The following CATSPERB variants were observed in gnomAD, a reference collection of about 807,000 sequenced individuals.
CATSPERB encodes cation channel sperm-associated auxiliary subunit beta.
A neutral mutation model predicts 128.3 loss-of-function variants in CATSPERB; 93 were observed. The ratio of observed to expected loss-of-function variants is 0.72; its 90% CI spans 0.61 to 0.86. CATSPERB has a LOEUF of 0.86. Among genes scored for constraint, CATSPERB ranks in the 40% least tolerant of loss-of-function variants. The pLI, the probability that CATSPERB is intolerant of heterozygous loss-of-function variation, is 0.00. For missense variants in CATSPERB, 1,153 were observed against 1,329.5 expected, an observed-to-expected ratio of 0.87 and a Z score of 2.06; for synonymous variants, 381 against 448.8, an observed-to-expected ratio of 0.85 and a Z score of 1.91.
At chr14:91,650,375 C>T (rs1894683220) in intron 15 of CATSPERB, among the ~76,000 whole-genome samples, 1 of 152,134 alleles carries the variant, frequency 6.6e-6, no homozygotes, top group Non-Finnish European at 1.5e-5. Context: ...CGGAAGGAAT[C>T]ACCATAATTT....
At chr14:91,674,759 T>A (rs1347923474) in intron 11 of CATSPERB, among the ~76,000 whole-genome samples, 1 of 152,184 alleles carries the variant, frequency 6.6e-6, no homozygotes, top group African/African-American at 2.4e-5. Flanking sequence ...AGTTGTAAAA[T>A]TCCAGAGATT....
intron 22 of CATSPERB, among the ~76,000 whole-genome samples, chr14:91,596,727 G>A (rs549701705): frequency 6.6e-6 from 1 of 152,078 alleles, no homozygotes; most frequent in Non-Finnish European, 1.5e-5. Flanking sequence ...TTGGAACAAA[G>A]TTAGCTATGT....
intron 26 of CATSPERB, among the ~76,000 whole-genome samples, chr14:91,581,410 G>A (rs191606226): frequency 6.2e-4 from 94 of 152,348 alleles, no homozygotes; most frequent in Admixed American, 4.3e-3. Flanking sequence ...AGAGGAATGG[G>A]CAAAGAGCTC....
chr14:91,718,073 A>G (rs1313671947), intron 5 of CATSPERB, among the ~76,000 whole-genome samples: 1 of 152,208 alleles, frequency 6.6e-6, no homozygotes, highest in Non-Finnish European at 1.5e-5. Context: ...TAAAGAGTAG[A>G]AGTAAAAATA....
intron 22 of CATSPERB, among the ~76,000 whole-genome samples, chr14:91,595,276 G>A (rs1389445888): frequency 1.3e-5 from 2 of 151,518 alleles, no homozygotes; most frequent in Non-Finnish European, 2.9e-5. Flanking sequence ...TCTATAGGAG[G>A]AATCTCAGAT....
In CATSPERB at chr14:91,623,078, A is replaced by T. The variant is rs368143722; in HGVS notation, c.1931-1141T>A. ...CCCAGCTAATTTTTGTATTTTTAGT[A>T]GAGACGGGGTTTCACCATGTTGGCC... is the stretch of plus-strand genomic sequence containing the variant. On this transcript the variant is annotated intron_variant, in intron 18 of 26. Coordinates refer to ENST00000256343, the MANE Select transcript of CATSPERB (RefSeq NM_024764.4). Among the ~76,000 whole-genome samples, 292 of 152,034 alleles carry T rather than the reference A, an allele frequency of 1.9e-3. 1 individual carries two copies. Among genetic ancestry groups the T allele is most frequent in the African/African-American group, 6.8e-3 (280 of 41,466 alleles).
chr14:91,681,627 C>T (rs1344319513), intron 11 of CATSPERB, among the ~76,000 whole-genome samples: 2 of 152,226 alleles, frequency 1.3e-5, no homozygotes, highest in African/African-American at 4.8e-5. Flanking sequence ...ACAGACATTA[C>T]TAACCATGCA....
chr14:91,728,379 T>G (rs1286219623), intron 2 of CATSPERB, among the ~76,000 whole-genome samples: 4 of 152,172 alleles, frequency 2.6e-5, no homozygotes, highest in Middle Eastern at 3.2e-3. Context: ...CCTCCCAAAG[T>G]GCTGGGATTA....
chr14:91,648,873 C>T (rs971717344), intron 15 of CATSPERB, among the ~76,000 whole-genome samples: 2 of 152,158 alleles, frequency 1.3e-5, no homozygotes, highest in Non-Finnish European at 2.9e-5. Flanking sequence ...TAGATTACCT[C>T]GGATATCTGC....
At chr14:91,588,439 C>T (rs934345658) in intron 24 of CATSPERB, among the ~76,000 whole-genome samples, 7 of 152,218 alleles carry the variant, frequency 4.6e-5, no homozygotes, top group Non-Finnish European at 8.8e-5. Flanking sequence ...CTGACCTGCA[C>T]GTGCTTCGTG....
chr14:91,639,627 T>C (rs1410037649), intron 15 of CATSPERB, among the ~76,000 whole-genome samples: 2 of 152,186 alleles, frequency 1.3e-5, no homozygotes, highest in African/African-American at 2.4e-5. Context: ...GAATCATCAG[T>C]AGACATTGGT....
At chr14:91,629,805 G>C (rs189638285) in intron 17 of CATSPERB, among the ~76,000 whole-genome samples, 3 of 152,252 alleles carry the variant, frequency 2.0e-5, no homozygotes, top group African/African-American at 4.8e-5. Context: ...TTGCACATGG[G>C]GGGTGATTAA....
At position 91,636,536 on chromosome 14, in the gene CATSPERB, G is replaced by T. The variant is rs1224261026; in HGVS notation, c.1631C>A (p.Thr544Asn). The change falls in exon 17 of 27, where the codon ACC becomes AAC. Residue 544 changes from threonine (T) to asparagine (N), a missense_variant. Transcript: ENST00000256343. ...AAAAAAGATAATTTCATCTAAGGAG[G>T]TGTGCTGTGGGGCAAGCGCAGTCTC... Reference protein sequence around the residue: ...GFETALAPQHTSLDEIIFFAY... With the variant: ...GFETALAPQHNSLDEIIFFAY... 2 of 1,614,020 alleles carry T rather than the reference G, an allele frequency of 1.2e-6. No individual in the cohort carries two copies. The highest frequency in any genetic ancestry group is 2.2e-5 in the East Asian group (1 of 44,878).
rs202019912 is a variant in CATSPERB, at chr14:91,636,499, A to T, written c.1668T>A (p.Pro556=). 2 of 1,614,114 alleles carry T rather than the reference A, an allele frequency of 1.2e-6. No individual in the cohort carries two copies. Among genetic ancestry groups the T allele is most frequent in the Non-Finnish European group, 1.7e-6 (2 of 1,180,002 alleles). ...LDEIIFFAYV[P]ENEPQETIYS... The stretch of plus-strand genomic sequence containing the variant: ...AGATCGTTTCCTGGGGTTCGTTCTC[A>T]GGTACATATGCAAAAAAGATAATTT... The change falls in exon 17 of 27, where the codon CCT becomes CCA. Residue 556 remains proline, a synonymous_variant. Coordinates refer to ENST00000256343, the MANE Select transcript of CATSPERB (RefSeq NM_024764.4).
chr14:91,608,420 C>CA lies in CATSPERB; in HGVS notation c.2599-17dup. ...TGTAGTTTATCTGCAAGTGATTAAA[C>CA]AAAGAAAATGTACAATTCATTATTA... On this transcript the variant is annotated splice_polypyrimidine_tract_variant and intron_variant, in intron 21 of 26. Coordinates refer to ENST00000256343, the MANE Select transcript of CATSPERB (RefSeq NM_024764.4). 7.5e-7 allele frequency: 1 copy of CA among 1,325,824 alleles called. No homozygotes were observed. Among genetic ancestry groups the CA allele is most frequent in the Non-Finnish European group, 1.1e-6 (1 of 922,732 alleles). The allele number at this position is 1,325,824 out of a possible 1,614,324, so 82.1% of individuals were successfully genotyped here. A position where few individuals can be genotyped will look rare whatever the true frequency, so the allele number is the denominator to read the frequency against.
chr14:91,685,997 C>A (rs74362265), intron 10 of CATSPERB, among the ~76,000 whole-genome samples: 5,676 of 152,218 alleles, frequency 0.037, 164 homozygotes, highest in East Asian at 0.12. Context: ...CATGCCAAAT[C>A]CCTAATTTAG....
At chr14:91,695,498 C>CA (rs1177784899) in intron 7 of CATSPERB, among the ~76,000 whole-genome samples, 1 of 151,732 alleles carries the variant, frequency 6.6e-6, no homozygotes, top group African/African-American at 2.4e-5. Flanking sequence ...CAGATTCTTG[C>CA]AAAAAAACAC....
intron 22 of CATSPERB, among the ~76,000 whole-genome samples, 191 bp downstream of exon 22, chr14:91,608,103 T>C (rs981315444): frequency 2.0e-5 from 3 of 152,128 alleles, no homozygotes; most frequent in Admixed American, 6.5e-5. Context: ...TTTGGACTTC[T>C]TGGCTCCAAA....
chr14:91,616,744 T>C (rs1177057735), intron 20 of CATSPERB, among the ~76,000 whole-genome samples: 1 of 142,624 alleles, frequency 7.0e-6, no homozygotes, highest in East Asian at 2.0e-4. Flanking sequence ...TTTTTTTTTT[T>C]TTTTTTTTTT....
Sources: allele counts gnomAD v4.1 joint callset (sites outside exome capture counted in the v4.1 genomes callset), GRCh38; gene constraint gnomAD v4.1.1; transcripts MANE v1.5; gene names NCBI Gene and HGNC (gene_info 2026-07-23, HGNC 2026-07-21).